The following ABR variants were observed in gnomAD, a reference collection of about 807,000 sequenced individuals.
The protein encoded by ABR is active breakpoint cluster region-related protein.
In ABR, 35 loss-of-function variants were observed where a neutral mutation model predicts 107.2. The observed-to-expected ratio is 0.33, with a 90% CI of 0.25 to 0.43. ABR has a LOEUF of 0.43. ABR is among the 20% of genes least tolerant of loss of function. ABR has a pLI of 1.00. For missense variants in ABR, 815 were observed against 1,115.2 expected (o/e 0.73, Z 3.83); for synonymous variants, 498 against 462.0 (o/e 1.08, Z -1.00).
At chr17:1,120,180 G>A (rs2039285388) in intron 2 of ABR, among the ~76,000 whole-genome samples, 1 of 152,198 alleles carries the variant, frequency 6.6e-6, no homozygotes, top group Non-Finnish European at 1.5e-5. Context: ...ACACGTGAAA[G>A]GTTCAGCACA....
intron 16 of ABR, among the ~76,000 whole-genome samples, chr17:1,018,267 C>G (rs544681498): frequency 1.3e-5 from 2 of 152,062 alleles, no homozygotes; most frequent in Non-Finnish European, 2.9e-5. Flanking sequence ...TGGTCTTGAT[C>G]TCCTGACCTC....
Position 1,069,977 on chromosome 17 carries a change from G to A in ABR, c.1008C>T (p.Thr336=). 3 of 1,608,122 alleles carry A rather than the reference G, an allele frequency of 1.9e-6. No individual in the cohort carries two copies. The highest frequency in any genetic ancestry group is 2.5e-6 in the Non-Finnish European group (3 of 1,177,068). The stretch of plus-strand genomic sequence containing the variant: ...TGGACTCACACACTCACCCTGCAGA[G>A]GTCTTCTTCAGCTTGGCACACAGTA... ...DVLLCAKLKK[T]SAGKHQQYDC... The change falls in exon 9 of 23, where the codon ACC becomes ACT. Residue 336 remains threonine (T), a synonymous_variant. Coordinates refer to ENST00000302538, the MANE Select transcript of ABR (RefSeq NM_021962.5).
intron 2 of ABR, among the ~76,000 whole-genome samples, chr17:1,123,073 T>G: frequency 6.6e-6 from 1 of 152,116 alleles, no homozygotes; most frequent in East Asian, 1.9e-4. Context: ...CATCCCCAAG[T>G]ACTCAGGAAG....
At chr17:1,028,390 C>A (rs1247719410) in intron 16 of ABR, among the ~76,000 whole-genome samples, 2 of 152,074 alleles carry the variant, frequency 1.3e-5, no homozygotes, top group Admixed American at 6.5e-5. Flanking sequence ...TGAGCCACCA[C>A]ACTTGGCTAA....
intron 14 of ABR, among the ~76,000 whole-genome samples, chr17:1,053,532 G>A (rs1256805420): frequency 1.3e-5 from 2 of 152,130 alleles, no homozygotes; most frequent in Non-Finnish European, 2.9e-5. Context: ...CTCTCCCCAG[G>A]TTCCTGTCTG....
At chr17:1,087,824 G>A (rs566554455) in intron 4 of ABR, among the ~76,000 whole-genome samples, 18 of 152,296 alleles carry the variant, frequency 1.2e-4, no homozygotes, top group Admixed American at 3.9e-4. Context: ...GGAGCCAGCC[G>A]TGCGGAGGCC....
At position 1,006,269 on chromosome 17, in the gene ABR, C is replaced by T. The variant is rs566802808; in HGVS notation, c.2491-100G>A. On this transcript the variant is annotated intron_variant, in intron 22 of 22. Coordinates refer to ENST00000302538, the MANE Select transcript of ABR (RefSeq NM_021962.5). Reference sequence around the variant, plus strand: ...CCCCTCCCACTCCCTAGACTGGCTCCGGCCACCGCCCCTTCCTGGGGAGCC... The same window carrying T: ...CCCCTCCCACTCCCTAGACTGGCTCTGGCCACCGCCCCTTCCTGGGGAGCC... 6.1e-5 allele frequency: 65 copies of T among 1,073,842 alleles called. No individual in the cohort carries two copies. The East Asian group carries it at 9.6e-4, about 16-fold the overall frequency. 66.5% of individuals were successfully genotyped at this position (1,073,842 alleles called of 1,614,324 possible).
chr17:1,072,220 G>A (rs1194691379), intron 8 of ABR, among the ~76,000 whole-genome samples: 1 of 151,978 alleles, frequency 6.6e-6, no homozygotes, highest in Non-Finnish European at 1.5e-5. Flanking sequence ...ATTATTATGA[G>A]GATTAATGAG....
chr17:1,049,385 C>T (rs1222755065), intron 16 of ABR, among the ~76,000 whole-genome samples: 1 of 152,080 alleles, frequency 6.6e-6, no homozygotes, highest in South Asian at 2.1e-4. Flanking sequence ...CCAGGCTGGT[C>T]TCGAACTCCT....
chr17:1,139,932 G>A (rs1450616963), intron 1 of ABR, among the ~76,000 whole-genome samples: 2 of 152,176 alleles, frequency 1.3e-5, no homozygotes, highest in African/African-American at 4.8e-5. Flanking sequence ...GGACGCAGGA[G>A]GTTGGCCCTG....
chr17:1,110,357 G>A (rs2038597763), intron 2 of ABR, among the ~76,000 whole-genome samples: 1 of 152,028 alleles, frequency 6.6e-6, no homozygotes, highest in African/African-American at 2.4e-5. Context: ...GAGGGTGCGG[G>A]TGAGGCCTGC....
At position 1,132,345 on chromosome 17, in the gene ABR, C is replaced by T. The variant is rs576216864; in HGVS notation, c.62-6978G>A. ...CTCCCAGGAACTTTCCTGTATTCTA[C>T]ATATTATGATAATACTTGAATACCG... On this transcript the variant is annotated intron_variant, in intron 1 of 22. Coordinates refer to ENST00000302538, the MANE Select transcript of ABR (RefSeq NM_021962.5). Among the ~76,000 whole-genome samples, 3 of 150,656 alleles carry T rather than the reference C, an allele frequency of 2.0e-5. No individual in the cohort carries two copies. In the South Asian group the frequency reaches 6.3e-4, roughly 32 times the overall value.
At position 1,022,147 on chromosome 17, in the gene ABR, C is replaced by T. The variant is rs914851380; in HGVS notation, c.1792-8983G>A. On this transcript the variant is annotated intron_variant, in intron 16 of 22. Coordinates refer to ENST00000302538, the MANE Select transcript of ABR (RefSeq NM_021962.5). ...AAAACAGAAAATGACTCCAGAAGGACCTCAGTGCAAGTGGCCCCCGGACAG... is the reference window on the plus strand; with the variant it reads ...AAAACAGAAAATGACTCCAGAAGGATCTCAGTGCAAGTGGCCCCCGGACAG... Among the ~76,000 whole-genome samples the T allele has an allele frequency of 2.8e-5, 4 of 144,078 alleles. No homozygotes were observed. In the Admixed American group the frequency reaches 2.9e-4, roughly 10 times the overall value. 94.5% of individuals were successfully genotyped at this position (144,078 alleles called of 152,430 possible).
At chr17:1,088,559 C>T (rs976243880) in intron 4 of ABR, among the ~76,000 whole-genome samples, 1 of 151,620 alleles carries the variant, frequency 6.6e-6, no homozygotes, top group Non-Finnish European at 1.5e-5. Flanking sequence ...GGCCCTGTTC[C>T]AAGCACTTTT....
chr17:1,108,915 G>C (rs772251196), intron 2 of ABR: 1 of 1,578,710 alleles, frequency 6.3e-7, no homozygotes, highest in African/African-American at 1.4e-5. Flanking sequence ...CCAGCGCCCA[G>C]GGCGTGTCAC....
chr17:1,125,359 A>G lies in ABR; in HGVS notation c.70T>C (p.Tyr24His). The G allele has an allele frequency of 6.2e-7, 1 of 1,613,470 alleles. No individual in the cohort carries two copies. The highest frequency in any genetic ancestry group is 8.5e-7 in the Non-Finnish European group (1 of 1,179,988). Residue 24 changes from tyrosine to histidine, a missense_variant, in exon 2 of 23, where the codon TAC becomes CAC. Tyr to His is a moderately conservative substitution (Grantham distance 83). Around this residue, in one of 5 missense-constraint regions of ABR, gnomAD observed 129 missense variants for 124.8 expected, o/e 1.03. Coordinates refer to ENST00000302538, the MANE Select transcript of ABR (RefSeq NM_021962.5). ...WIDTLYSNFS[Y>H]GTDEYDGEGN... The stretch of plus-strand genomic sequence containing the variant: ...TCTCCGTCGTACTCGTCCGTCCCGT[A>G]GCTGAAGTCTGAGACAAGGAACAAG...
At chr17:1,127,741 C>T (rs1430954222) in intron 1 of ABR, among the ~76,000 whole-genome samples, 3 of 152,118 alleles carry the variant, frequency 2.0e-5, no homozygotes, top group South Asian at 2.1e-4. Flanking sequence ...TCCCAGGGGT[C>T]GCAGGAATGG....
intron 16 of ABR, chr17:1,031,521 C>CCCCG: frequency 4.8e-6 from 1 of 208,636 alleles, no homozygotes; most frequent in Non-Finnish European, 6.9e-6. Context: ...CATCAGCCCC[C>CCCCG]GCAGCCCCCG....
chr17:1,057,888 T>G, intron 12 of ABR, 82 bp downstream of exon 12: 1 of 1,291,312 alleles, frequency 7.7e-7, no homozygotes, highest in Non-Finnish European at 1.1e-6. Flanking sequence ...GACGTGATAC[T>G]GGACATGAAA....
Sources: gnomAD v4.1 joint callset for allele counts (sites outside exome capture counted in the v4.1 genomes callset) on GRCh38, gnomAD v4.1.1 for gene constraint, gnomAD v4.1.1 regional missense constraint, MANE v1.5 for transcripts, NCBI Gene and HGNC (gene_info 2026-07-23, HGNC 2026-07-21) for gene names.